The following CADPS variants were observed in gnomAD, a reference collection of about 807,000 sequenced individuals.
CADPS encodes calcium-dependent secretion activator 1.
In CADPS, 57 loss-of-function variants were observed where a neutral mutation model predicts 167.3. The ratio of observed to expected loss-of-function variants is 0.34; its 90% CI spans 0.28 to 0.42. The LOEUF (loss-of-function observed/expected upper bound fraction) is 0.42. Among genes scored for constraint, CADPS ranks in the 20% least tolerant of loss-of-function variants. The pLI, the probability that CADPS is intolerant of heterozygous loss-of-function variation, is 1.00. For synonymous variants in CADPS, 676 were observed against 635.3 expected (o/e 1.06, Z -0.96); for missense variants, 1,414 against 1,738.1 (o/e 0.81, Z 3.32).
At chr3:62,705,214 G>T (rs979880075) in intron 3 of CADPS, among the ~76,000 whole-genome samples, 2 of 152,082 alleles carry the variant, frequency 1.3e-5, no homozygotes, top group Non-Finnish European at 2.9e-5. Context: ...AAACCAAACA[G>T]TGTCTGGGGT....
At chr3:62,645,656 G>C in intron 6 of CADPS, 66 bp downstream of exon 6, 2 of 1,574,806 alleles carry the variant, frequency 1.3e-6, no homozygotes, top group South Asian at 1.1e-5. Flanking sequence ...TTACCTTGGA[G>C]TTGGCCAAAA....
chr3:62,751,404 A>G (rs2082670537), intron 3 of CADPS, among the ~76,000 whole-genome samples: 1 of 152,058 alleles, frequency 6.6e-6, no homozygotes. Context: ...GTAAAATACT[A>G]AATGTCTTAA....
chr3:62,871,036 C>T (rs1047908174), intron 1 of CADPS, among the ~76,000 whole-genome samples: 1 of 152,034 alleles, frequency 6.6e-6, no homozygotes, highest in African/African-American at 2.4e-5. Flanking sequence ...AATTATTTCG[C>T]CATGTTATAT....
chr3:62,668,382 A>G (rs1359894718), intron 3 of CADPS, among the ~76,000 whole-genome samples: 1 of 152,016 alleles, frequency 6.6e-6, no homozygotes, highest in African/African-American at 2.4e-5. Flanking sequence ...CGGGCACCAC[A>G]TCCTCCCCCA....
At chr3:62,749,428 C>T (rs1453152660) in intron 3 of CADPS, among the ~76,000 whole-genome samples, 2 of 152,132 alleles carry the variant, frequency 1.3e-5, no homozygotes, top group South Asian at 2.1e-4. Context: ...CCCTAGGATA[C>T]GATATGCGTA....
At chr3:62,719,853 G>T (rs997076491) in intron 3 of CADPS, among the ~76,000 whole-genome samples, 1 of 152,184 alleles carries the variant, frequency 6.6e-6, no homozygotes, top group Non-Finnish European at 1.5e-5. Context: ...ATTTGGTGGG[G>T]TTACACGACT....
chr3:62,445,936 A>T, intron 26 of CADPS, 139 bp from the exon 27 acceptor site: 1 of 521,496 alleles, frequency 1.9e-6, no homozygotes. Context: ...GGTACTAGAA[A>T]ATAAAATCTG....
At chr3:62,765,218 A>C (rs2086540438) in intron 2 of CADPS, among the ~76,000 whole-genome samples, 1 of 152,210 alleles carries the variant, frequency 6.6e-6, no homozygotes, top group South Asian at 2.1e-4. Flanking sequence ...AGAACACTTA[A>C]CAAAATTTAA....
At chr3:62,487,444 T>C (rs1348945033) in intron 21 of CADPS, among the ~76,000 whole-genome samples, 1 of 152,190 alleles carries the variant, frequency 6.6e-6, no homozygotes, top group African/African-American at 2.4e-5. Context: ...CCCTACTACA[T>C]GTCCTGATGG....
chr3:62,446,050 T>TCCTC lies in CADPS; in HGVS notation c.3637-257_3637-254dup, dbSNP rs1485190108. Among the ~76,000 whole-genome samples the TCCTC allele has an allele frequency of 2.6e-5, 4 of 152,304 alleles. No individual in the cohort carries two copies. The highest frequency in any genetic ancestry group is 2.0e-4 in the Admixed American group (3 of 15,292). ...TTGCTGGAGCGGGAGCTTTACATTT[T>TCCTC]CCTCCCTCCCTCTGAAAAAAAGTAA... On this transcript the variant is annotated intron_variant, in intron 26 of 29. Transcript: ENST00000383710. The surrounding 1 kb of genome is among the most constrained non-coding windows in gnomAD (Gnocchi z 4.9).
At position 62,602,777 on chromosome 3, in the gene CADPS, G is replaced by A. The variant is rs2060160675; in HGVS notation, c.1326-10029C>T. Among the ~76,000 whole-genome samples the A allele has an allele frequency of 6.6e-6, 1 of 152,138 alleles. No homozygotes were observed. Among genetic ancestry groups the A allele is most frequent in the Admixed American group, 6.6e-5 (1 of 15,264 alleles). On this transcript the variant is annotated intron_variant, in intron 6 of 29. Transcript: ENST00000383710. This position sits in a 1 kb window ranked among gnomAD's most constrained non-coding sequence, Gnocchi z 4.4. ...GAACGTCTCCTCTCCAGGAGTCTGAGATCAAATGTGTCCAAACCTCAGCTT... is the reference window on the plus strand; with the variant it reads ...GAACGTCTCCTCTCCAGGAGTCTGAAATCAAATGTGTCCAAACCTCAGCTT...
intron 3 of CADPS, among the ~76,000 whole-genome samples, chr3:62,670,428 C>A (rs955816551): frequency 6.6e-6 from 1 of 152,122 alleles, no homozygotes; most frequent in African/African-American, 2.4e-5. Context: ...AAAATAAGAT[C>A]ATTTGTGTCT....
intron 1 of CADPS, among the ~76,000 whole-genome samples, chr3:62,829,054 TA>T (rs2074583577): frequency 6.6e-6 from 1 of 152,252 alleles, no homozygotes; most frequent in South Asian, 2.1e-4. Context: ...GTTTCAGGAT[TA>T]ATAAAAATGG....
chr3:62,851,474 T>C (rs2078573373), intron 1 of CADPS, among the ~76,000 whole-genome samples: 1 of 150,002 alleles, frequency 6.7e-6, no homozygotes, highest in South Asian at 2.2e-4. Context: ...GGCCTTGTGG[T>C]GACAAAATCT....
chr3:62,777,252 T>A (rs2090525459), intron 1 of CADPS, among the ~76,000 whole-genome samples: 2 of 152,228 alleles, frequency 1.3e-5, no homozygotes, highest in African/African-American at 4.8e-5. Context: ...ACAGGTTATA[T>A]GTGACGCTAA....
chr3:62,786,366 T>C lies in CADPS; in HGVS notation c.442-20382A>G, dbSNP rs555100455. On this transcript the variant is annotated intron_variant, in intron 1 of 29. Coordinates refer to ENST00000383710, the MANE Select transcript of CADPS (RefSeq NM_003716.4). ...GGATGTACCCATATATTTGACATGC[T>C]TATAAAAATCTCTAATGGTAATTCC... Among the ~76,000 whole-genome samples the C allele has an allele frequency of 5.3e-5, 8 of 151,944 alleles. No individual in the cohort carries two copies. In the South Asian group the frequency reaches 8.3e-4, roughly 16 times the overall value.
chr3:62,853,195 G>GA (rs2078972271), intron 1 of CADPS, among the ~76,000 whole-genome samples: 1 of 152,058 alleles, frequency 6.6e-6, no homozygotes, highest in South Asian at 2.1e-4. Flanking sequence ...GGAAGCAGAA[G>GA]AAAAGAAAAA....
intron 3 of CADPS, among the ~76,000 whole-genome samples, chr3:62,698,299 A>C (rs758231166): frequency 6.6e-6 from 1 of 152,122 alleles, no homozygotes; most frequent in Non-Finnish European, 1.5e-5. Context: ...GCCCAAAGTT[A>C]CTACATGAGG....
chr3:62,557,944 T>G (rs1462911679), intron 9 of CADPS, among the ~76,000 whole-genome samples: 1 of 152,250 alleles, frequency 6.6e-6, no homozygotes, highest in Non-Finnish European at 1.5e-5. Flanking sequence ...TGGCCTTGGC[T>G]GAGACTGCCA....
Sources: gnomAD v4.1 joint callset for allele counts (sites outside exome capture counted in the v4.1 genomes callset) on GRCh38, gnomAD v4.1.1 for gene constraint, Gnocchi (gnomAD v3.1) non-coding constraint, MANE v1.5 for transcripts, NCBI Gene and HGNC (gene_info 2026-07-23, HGNC 2026-07-21) for gene names.